NXPE2: variants seen among roughly 807,000 people sequenced by gnomAD.
The protein encoded by NXPE2 is neurexophilin and PC-esterase domain family member 2, also known as NXPE family member 2.
A neutral mutation model predicts 34.4 loss-of-function variants in NXPE2; 34 were observed. The ratio of observed to expected loss-of-function variants is 0.99; its 90% CI spans 0.75 to 1.31. The LOEUF (loss-of-function observed/expected upper bound fraction) is 1.31. NXPE2 is among the 40% of genes most tolerant of loss of function. The pLI is 0.00. For synonymous variants in NXPE2, 235 were observed against 231.3 expected, an observed-to-expected ratio of 1.02 and a Z score of -0.15; for missense variants, 649 against 672.5, an observed-to-expected ratio of 0.97 and a Z score of 0.39.
the NXPE2 span, among the ~76,000 whole-genome samples, chr11:114,598,146 T>C: frequency 6.6e-6 from 1 of 152,196 alleles, no homozygotes; most frequent in African/African-American, 2.4e-5. Flanking sequence ...AGCTACAGGC[T>C]TCATGCAAGT....
At chr11:114,602,729 CAT>C in the NXPE2 span, among the ~76,000 whole-genome samples, 3 of 143,128 alleles carry the variant, frequency 2.1e-5, no homozygotes, top group Admixed American at 7.2e-5. Context: ...ATAATTATCT[CAT>C]ATATAATTAA....
chr11:114,657,062 C>T, the NXPE2 span, among the ~76,000 whole-genome samples: 2 of 152,176 alleles, frequency 1.3e-5, no homozygotes, highest in African/African-American at 4.8e-5. Flanking sequence ...CCACTGCACT[C>T]CAGCCTGGGT....
At chr11:114,671,338 T>TAGA in the NXPE2 span, among the ~76,000 whole-genome samples, 130,915 of 151,230 alleles carry the variant, frequency 0.87, 57,318 homozygotes, top group Non-Finnish European at 0.92. Context: ...ATAGAGGAAT[T>TAGA]AGGAGAGGAT....
the NXPE2 span, chr11:114,582,423 T>A: frequency 6.2e-7 from 1 of 1,614,200 alleles, no homozygotes; most frequent in Non-Finnish European, 8.5e-7. Context: ...GTTGTCCAGG[T>A]ACTGGCACAA....
At chr11:114,594,804 A>T in the NXPE2 span, 215,435 of 1,067,818 alleles carry the variant, frequency 0.2, 24,050 homozygotes, top group South Asian at 0.23. Flanking sequence ...GCACAAAAAC[A>T]TACAACAAAA....
the NXPE2 span, among the ~76,000 whole-genome samples, chr11:114,601,248 C>A: frequency 2.0e-5 from 3 of 150,340 alleles, no homozygotes; most frequent in Non-Finnish European, 3.0e-5. Flanking sequence ...CCTTCCCATG[C>A]TCCCTCTTTC....
In NXPE2 at chr11:114,687,916, T is replaced by C. The variant is rs1292686775; in HGVS notation, c.132+8154T>C. 8.5e-5 allele frequency among the ~76,000 whole-genome samples: 13 copies of C among 152,078 alleles called. No individual in the cohort carries two copies. The East Asian group carries it at 2.5e-3, about 29-fold the overall frequency. On this transcript the variant is annotated intron_variant, in intron 2 of 5. Transcript: ENST00000389586. ...GAACATTATTGGTTTATAAAAATGC[T>C]ACTAATTTTTGTACGTAAGTTTTGT...
At chr11:114,656,584 A>G in the NXPE2 span, among the ~76,000 whole-genome samples, 1 of 152,120 alleles carries the variant, frequency 6.6e-6, no homozygotes, top group Non-Finnish European at 1.5e-5. Flanking sequence ...TAATTGCATG[A>G]AAAATATTTA....
the NXPE2 span, among the ~76,000 whole-genome samples, chr11:114,485,331 C>T: frequency 1.3e-5 from 2 of 150,284 alleles, no homozygotes; most frequent in African/African-American, 4.9e-5. Flanking sequence ...GCCTCAGCTT[C>T]CTGAGTAGCT....
At chr11:114,518,781 A>G in the NXPE2 span, among the ~76,000 whole-genome samples, 1 of 152,246 alleles carries the variant, frequency 6.6e-6, no homozygotes, top group South Asian at 2.1e-4. Flanking sequence ...ACCTCAGCCC[A>G]GGAAGGTTAA....
At chr11:114,530,934 C>T in the NXPE2 span, 2 of 1,556,832 alleles carry the variant, frequency 1.3e-6, no homozygotes, top group South Asian at 2.4e-5. Flanking sequence ...TTGTGATATA[C>T]TATGAAATTA....
At chr11:114,621,549 G>A in the NXPE2 span, among the ~76,000 whole-genome samples, 30,719 of 152,044 alleles carry the variant, frequency 0.2, 3,685 homozygotes, top group African/African-American at 0.33. Context: ...TGGATAATAA[G>A]TATTACCTCT....
chr11:114,695,032 T>C (rs184161448), intron 2 of NXPE2, among the ~76,000 whole-genome samples: 6 of 152,308 alleles, frequency 3.9e-5, no homozygotes, highest in African/African-American at 1.2e-4. Context: ...ATGATGTAGT[T>C]GGTAAACTGG....
the NXPE2 span, among the ~76,000 whole-genome samples, chr11:114,649,745 A>G: frequency 6.6e-5 from 10 of 152,172 alleles, no homozygotes; most frequent in African/African-American, 4.8e-5. Flanking sequence ...GATGAATCCA[A>G]TTGCCTTTTT....
chr11:114,810,857 T>A, the NXPE2 span, among the ~76,000 whole-genome samples: 1 of 152,120 alleles, frequency 6.6e-6, no homozygotes, highest in Non-Finnish European at 1.5e-5. Flanking sequence ...CAAAGGATTA[T>A]AAATCATGCT....
chr11:114,620,725 T>A, the NXPE2 span, among the ~76,000 whole-genome samples: 2 of 151,996 alleles, frequency 1.3e-5, no homozygotes, highest in South Asian at 2.1e-4. Flanking sequence ...GCCTCTTGGG[T>A]AACCACAGTT....
chr11:114,592,617 A>G, the NXPE2 span, among the ~76,000 whole-genome samples: 1 of 152,162 alleles, frequency 6.6e-6, no homozygotes, highest in South Asian at 2.1e-4. Flanking sequence ...AAAGCAATCT[A>G]CAGATTCAAG....
the NXPE2 span, among the ~76,000 whole-genome samples, chr11:114,501,746 G>A: frequency 6.6e-6 from 1 of 152,144 alleles, no homozygotes; most frequent in African/African-American, 2.4e-5. Flanking sequence ...GAAGGGCTTT[G>A]GAGGTAAGAA....
the NXPE2 span, among the ~76,000 whole-genome samples, chr11:114,487,165 T>C: frequency 3.4e-4 from 52 of 152,256 alleles, 1 homozygote; most frequent in Non-Finnish European, 5.4e-4. Context: ...GAAAAAAGTT[T>C]CTTGCATCAG....
Sources: allele counts gnomAD v4.1 joint callset (sites outside exome capture counted in the v4.1 genomes callset), GRCh38; gene constraint gnomAD v4.1.1; transcripts MANE v1.5; gene names NCBI Gene and HGNC (gene_info 2026-07-23, HGNC 2026-07-21).